Variants in ITPR1 observed in about 807,000 individuals in gnomAD.
ITPR1 encodes inositol 1,4,5-trisphosphate receptor type 1.
In ITPR1, 96 loss-of-function variants were observed where a neutral mutation model predicts 318.4. The ratio of observed to expected loss-of-function variants is 0.30; its 90% CI spans 0.26 to 0.36. ITPR1 has a LOEUF of 0.36. Ranked by LOEUF, ITPR1 falls within the 10% of genes least tolerant of loss-of-function variation. ITPR1 has a pLI of 1.00. For synonymous variants in ITPR1, 1,312 were observed against 1,289.9 expected (o/e 1.02, Z -0.37); for missense variants, 2,440 against 3,460.2 (o/e 0.71, Z 7.40).
intron 46 of ITPR1, among the ~76,000 whole-genome samples, chr3:4,769,222 C>G (rs1575182802): frequency 6.6e-6 from 1 of 152,106 alleles, no homozygotes; most frequent in African/African-American, 2.4e-5. Flanking sequence ...CAGCAAAGTT[C>G]TGTGATGCAA....
chr3:4,560,907 A>T (rs1164943358), intron 4 of ITPR1, among the ~76,000 whole-genome samples: 1 of 152,180 alleles, frequency 6.6e-6, no homozygotes, highest in Non-Finnish European at 1.5e-5. Flanking sequence ...TTTTGCTAAA[A>T]GATAGGTGCT....
chr3:4,529,346 T>C (rs189561920), intron 4 of ITPR1, among the ~76,000 whole-genome samples: 194 of 152,304 alleles, frequency 1.3e-3, no homozygotes, highest in African/African-American at 4.5e-3. Flanking sequence ...ACTTCCTCCA[T>C]TGAGGGTGAA....
intron 40 of ITPR1, among the ~76,000 whole-genome samples, chr3:4,720,035 A>G (rs1042143118): frequency 1.3e-5 from 2 of 152,250 alleles, no homozygotes. Context: ...ATCAAGACAC[A>G]GAATGTTTCC....
At chr3:4,703,081 CG>C in intron 36 of ITPR1, 131 bp downstream of exon 36, 1 of 994,040 alleles carries the variant, frequency 1.0e-6, no homozygotes, top group Non-Finnish European at 1.4e-6. Context: ...GAGCCAGACC[CG>C]GAACCAAGGT....
intron 4 of ITPR1, among the ~76,000 whole-genome samples, chr3:4,611,719 T>C (rs981666747): frequency 6.6e-5 from 10 of 152,080 alleles, no homozygotes; most frequent in African/African-American, 2.4e-4. Context: ...GCACTCCAGC[T>C]TGGGTGCCAG....
intron 4 of ITPR1, among the ~76,000 whole-genome samples, chr3:4,544,215 G>T (rs304007): frequency 0.8 from 121,018 of 152,200 alleles, 49,579 homozygotes; most frequent in Non-Finnish European, 0.9. Flanking sequence ...TCACCATGTG[G>T]TGGAAATTGT....
chr3:4,806,298 G>A (rs779208857), intron 55 of ITPR1, 31 bp downstream of exon 55: 17 of 1,600,890 alleles, frequency 1.1e-5, no homozygotes, highest in Non-Finnish European at 1.5e-5. Context: ...TATTTTATGT[G>A]TGGGGAAACT....
chr3:4,569,231 C>A (rs183438178), intron 4 of ITPR1, among the ~76,000 whole-genome samples: 1 of 152,292 alleles, frequency 6.6e-6, no homozygotes, highest in East Asian at 1.9e-4. Flanking sequence ...AAAGTGACAT[C>A]ATTAAATTTG....
At chr3:4,495,409 T>A (rs2080471876) in intron 2 of ITPR1, among the ~76,000 whole-genome samples, 2 of 152,202 alleles carry the variant, frequency 1.3e-5, no homozygotes, top group Admixed American at 1.3e-4. Context: ...AGACACTTCA[T>A]TATAGTGGTA....
At chr3:4,548,718 G>A (rs1575493295) in intron 4 of ITPR1, among the ~76,000 whole-genome samples, 1 of 152,102 alleles carries the variant, frequency 6.6e-6, no homozygotes, top group Non-Finnish European at 1.5e-5. Flanking sequence ...TTGAGGGCTA[G>A]TAACTAAATT....
rs545255915 is a variant in ITPR1 at position 4,710,740 on chromosome 3, T to C, written c.4991+267T>C. ...ATGCCCATTCATTCATTCATTACAG[T>C]GCACCCACCGTGTGCTGTGGTACAG... On this transcript the variant is annotated intron_variant, in intron 38 of 61. Transcript: ENST00000649015. The surrounding 1 kb of genome is among the most constrained non-coding windows in gnomAD (Gnocchi z 4.2). Among the ~76,000 whole-genome samples the C allele has an allele frequency of 3.3e-5, 5 of 152,330 alleles. No homozygotes were observed. In the South Asian group the frequency reaches 1.0e-3, roughly 32 times the overall value.
chr3:4,578,722 A>G (rs1201785639), intron 4 of ITPR1, among the ~76,000 whole-genome samples: 1 of 152,196 alleles, frequency 6.6e-6, no homozygotes, highest in African/African-American at 2.4e-5. Context: ...CATGATTGCC[A>G]TACTGAGTTT....
intron 44 of ITPR1, among the ~76,000 whole-genome samples, chr3:4,762,709 C>CA (rs2045537191): frequency 6.6e-6 from 1 of 152,224 alleles, no homozygotes; most frequent in African/African-American, 2.4e-5. Context: ...ACCTGGGACT[C>CA]ACACCCAGGC....
intron 37 of ITPR1, among the ~76,000 whole-genome samples, chr3:4,708,693 C>T (rs1173849326): frequency 2.6e-5 from 4 of 152,158 alleles, no homozygotes; most frequent in South Asian, 2.1e-4. Flanking sequence ...TTAAATGAAA[C>T]GCGTAGGTGG....
intron 4 of ITPR1, among the ~76,000 whole-genome samples, chr3:4,530,702 G>C (rs1260766756): frequency 2.0e-5 from 3 of 152,064 alleles, no homozygotes; most frequent in Non-Finnish European, 4.4e-5. Flanking sequence ...GGTTGCTTGA[G>C]CCCAGTAGGT....
intron 57 of ITPR1, 66 bp downstream of exon 57, chr3:4,813,300 G>A (rs751235306): frequency 6.2e-5 from 68 of 1,104,080 alleles, no homozygotes; most frequent in Non-Finnish European, 7.6e-5. Context: ...GCTGATGCAG[G>A]TGATGTTGGA....
intron 4 of ITPR1, among the ~76,000 whole-genome samples, chr3:4,621,712 C>T (rs539850123): frequency 6.6e-6 from 1 of 152,358 alleles, no homozygotes; most frequent in African/African-American, 2.4e-5. Flanking sequence ...TCTTCTGCAG[C>T]TCTAGCCTTT....
At chr3:4,784,726 C>CA (rs34856837) in intron 51 of ITPR1, among the ~76,000 whole-genome samples, 109 of 109,480 alleles carry the variant, frequency 1.0e-3, no homozygotes, top group Middle Eastern at 4.6e-3. Context: ...ACTAAAAATA[C>CA]AAAAAAAAAA....
rs1472373986 is a variant in ITPR1 at position 4,644,219 on chromosome 3, C to A, written c.609C>A (p.Asn203Lys). The A allele has an allele frequency of 1.2e-6, 2 of 1,606,624 alleles. No homozygotes were observed. Among genetic ancestry groups the A allele is most frequent in the Non-Finnish European group, 1.7e-6 (2 of 1,176,262 alleles). Residue 203 changes from asparagine to lysine, a missense_variant, in exon 8 of 62, where the codon AAC becomes AAA. Physicochemically the swap from Asn to Lys is moderately conservative, Grantham distance 94. Around this residue, in one of 23 missense-constraint regions of ITPR1, gnomAD observed 186 missense variants for 323.9 expected, o/e 0.57. Transcript: ENST00000649015. ...LHASSHQLVD[N>K]PGCNEVNSVN... Reference sequence around the variant, plus strand: ...CTAGCAGCCATCAACTGGTAGATAACCCAGGCTGCAATGAGGTAAGGACAT... The same window carrying A: ...CTAGCAGCCATCAACTGGTAGATAAACCAGGCTGCAATGAGGTAAGGACAT...
Sources: gnomAD v4.1 joint callset for allele counts (sites outside exome capture counted in the v4.1 genomes callset) on GRCh38, gnomAD v4.1.1 for gene constraint, gnomAD v4.1.1 regional missense constraint, Gnocchi (gnomAD v3.1) non-coding constraint, MANE v1.5 for transcripts, NCBI Gene and HGNC (gene_info 2026-07-23, HGNC 2026-07-21) for gene names.